PHACTR3: variants seen among roughly 807,000 people sequenced by gnomAD.
PHACTR3 encodes phosphatase and actin regulator 3.
Under a neutral mutation model 66.8 loss-of-function variants are expected in PHACTR3, and 16 were observed. That is an observed-to-expected ratio of 0.24 (90% confidence interval 0.16 to 0.36). PHACTR3 has a LOEUF of 0.36. PHACTR3 is among the 10% of genes least tolerant of loss of function. The pLI, the probability that PHACTR3 is intolerant of heterozygous loss-of-function variation, is 1.00. For synonymous variants in PHACTR3, 323 were observed against 292.1 expected (o/e 1.11, Z -1.08); for missense variants, 647 against 719.9 (o/e 0.90, Z 1.16).
chr20:59,605,186 C>A, intron 1 of PHACTR3, 54 bp downstream of exon 1: 1 of 1,222,036 alleles, frequency 8.2e-7, no homozygotes, highest in South Asian at 2.5e-5. Context: ...AGGCAGGTGG[C>A]GCTGAGAGCA....
At chr20:59,732,990 T>C (rs529273614) in intron 1 of PHACTR3, among the ~76,000 whole-genome samples, 1 of 152,058 alleles carries the variant, frequency 6.6e-6, no homozygotes, top group South Asian at 2.1e-4. Context: ...TGCAGGGCTG[T>C]AGAAAAAAGC....
chr20:59,769,468 G>C (rs1197345058), intron 5 of PHACTR3, among the ~76,000 whole-genome samples: 1 of 152,192 alleles, frequency 6.6e-6, no homozygotes, highest in East Asian at 1.9e-4. Context: ...GCCTGGGACG[G>C]CATCTCCCTC....
intron 3 of PHACTR3, among the ~76,000 whole-genome samples, chr20:59,752,350 C>A (rs564898330): frequency 5.2e-4 from 79 of 152,344 alleles, no homozygotes; most frequent in African/African-American, 1.9e-3. Flanking sequence ...CACTGCCCCG[C>A]GCTCCCCTCT....
At chr20:59,652,703 C>T (rs1182734712) in intron 1 of PHACTR3, among the ~76,000 whole-genome samples, 1 of 151,972 alleles carries the variant, frequency 6.6e-6, no homozygotes, top group African/African-American at 2.4e-5. Context: ...TAAGAGTGTA[C>T]ATTTTTTCAT....
chr20:59,617,647 A>G (rs1430306945), intron 1 of PHACTR3, among the ~76,000 whole-genome samples: 3 of 152,124 alleles, frequency 2.0e-5, no homozygotes, highest in African/African-American at 4.8e-5. Flanking sequence ...CCAGGGGCTC[A>G]GCTAACATTT....
chr20:59,829,670 G>A lies in PHACTR3; in HGVS notation c.1329-6835G>A, dbSNP rs770131016. ...CTTTTCTCAGTGACTCAAGGCGGCT[G>A]TGGGGCAGGATTGGCATTCCCAGAA... On this transcript the variant is annotated intron_variant, in intron 8 of 12. Coordinates refer to ENST00000371015, the MANE Select transcript of PHACTR3 (RefSeq NM_080672.5). The surrounding 1 kb of genome is among the most constrained non-coding windows in gnomAD (Gnocchi z 4.2). Among the ~76,000 whole-genome samples the A allele has an allele frequency of 2.0e-5, 3 of 152,254 alleles. No homozygotes were observed. Among genetic ancestry groups the A allele is most frequent in the African/African-American group, 2.4e-5 (1 of 41,462 alleles).
chr20:59,835,134 T>C (rs1465454242), intron 8 of PHACTR3, among the ~76,000 whole-genome samples: 1 of 152,170 alleles, frequency 6.6e-6, no homozygotes, highest in Non-Finnish European at 1.5e-5. Context: ...GCCTGGCACA[T>C]AGCAAATATG....
At chr20:59,806,727 T>C (rs972185225) in intron 8 of PHACTR3, among the ~76,000 whole-genome samples, 1 of 152,132 alleles carries the variant, frequency 6.6e-6, no homozygotes, top group African/African-American at 2.4e-5. Context: ...GAGAAATGCG[T>C]CATTAGGAGA....
intron 1 of PHACTR3, among the ~76,000 whole-genome samples, chr20:59,723,113 TCTTTCTTC>T (rs2038409455): frequency 2.1e-5 from 3 of 139,692 alleles, no homozygotes; most frequent in African/African-American, 5.3e-5. Context: ...TTTCTTTCTT[TCTTTCTTC>T]AGCTTTATTG....
intron 1 of PHACTR3, among the ~76,000 whole-genome samples, chr20:59,640,402 CA>C (rs2035060889): frequency 6.6e-6 from 1 of 152,120 alleles, no homozygotes; most frequent in South Asian, 2.1e-4. Context: ...CTGGATAGAG[CA>C]AGGCTGGAGA....
chr20:59,750,781 C>T (rs778905183), intron 3 of PHACTR3, among the ~76,000 whole-genome samples: 11 of 152,256 alleles, frequency 7.2e-5, no homozygotes, highest in Middle Eastern at 6.8e-3. Flanking sequence ...TTTTCGCAGT[C>T]GACTCTTCTG....
chr20:59,685,096 C>G (rs2036812545), intron 1 of PHACTR3, among the ~76,000 whole-genome samples: 1 of 152,188 alleles, frequency 6.6e-6, no homozygotes, highest in African/African-American at 2.4e-5. Flanking sequence ...CTCACCACCT[C>G]CACCTCTTTC....
intron 1 of PHACTR3, among the ~76,000 whole-genome samples, chr20:59,640,686 G>T (rs941539085): frequency 5.3e-5 from 8 of 152,170 alleles, no homozygotes; most frequent in African/African-American, 1.9e-4. Flanking sequence ...ACCATGGGGA[G>T]AACCTAAGTC....
chr20:59,817,940 G>A (rs780192700), intron 8 of PHACTR3, among the ~76,000 whole-genome samples: 9 of 152,308 alleles, frequency 5.9e-5, no homozygotes, highest in African/African-American at 1.9e-4. Flanking sequence ...TTTACACTGA[G>A]GTTAAGGGGA....
At chr20:59,618,142 G>A (rs2034101459) in intron 1 of PHACTR3, among the ~76,000 whole-genome samples, 1 of 152,214 alleles carries the variant, frequency 6.6e-6, no homozygotes, top group Admixed American at 6.5e-5. Flanking sequence ...TAGGCCGAGA[G>A]ATTGGCAGTG....
chr20:59,816,443 C>T (rs1270009430), intron 8 of PHACTR3, among the ~76,000 whole-genome samples: 1 of 152,162 alleles, frequency 6.6e-6, no homozygotes. Context: ...CTCACAGCCT[C>T]CACTTTGCAT....
chr20:59,809,268 C>T (rs1248813962), intron 8 of PHACTR3, among the ~76,000 whole-genome samples: 2 of 152,034 alleles, frequency 1.3e-5, no homozygotes, highest in Non-Finnish European at 2.9e-5. Context: ...CCAGGTGTTA[C>T]AGAGTTGTGC....
chr20:59,740,683 G>A (rs887205987), intron 1 of PHACTR3, among the ~76,000 whole-genome samples: 1 of 151,964 alleles, frequency 6.6e-6, no homozygotes, highest in African/African-American at 2.4e-5. Context: ...TTTATCAACA[G>A]ATGTGGAAAC....
intron 1 of PHACTR3, among the ~76,000 whole-genome samples, chr20:59,681,089 T>C (rs1342833102): frequency 6.6e-6 from 1 of 152,256 alleles, no homozygotes; most frequent in Non-Finnish European, 1.5e-5. Flanking sequence ...AAAGTTTTAT[T>C]AGAACACACT....
Sources: allele counts gnomAD v4.1 joint callset (sites outside exome capture counted in the v4.1 genomes callset), GRCh38; gene constraint gnomAD v4.1.1; non-coding constraint Gnocchi (gnomAD v3.1); transcripts MANE v1.5; gene names NCBI Gene and HGNC (gene_info 2026-07-23, HGNC 2026-07-21).